The following TLE6 variants were observed in gnomAD, a reference collection of about 807,000 sequenced individuals.
The protein encoded by TLE6 is TLE family member 6, subcortical maternal complex member, also known as transducin-like enhancer protein 6.
In TLE6, 72 loss-of-function variants were observed where a neutral mutation model predicts 77.1. The ratio of observed to expected loss-of-function variants is 0.93; its 90% CI spans 0.77 to 1.14. The LOEUF (loss-of-function observed/expected upper bound fraction) is 1.14, where lower values mean the gene tolerates loss of function less well. Among genes scored for constraint, TLE6 ranks in the 50% most tolerant of loss-of-function variants. The pLI is 0.00. For missense variants in TLE6, 843 were observed against 747.6 expected, an observed-to-expected ratio of 1.13 and a Z score of -1.49; for synonymous variants, 366 against 287.3, an observed-to-expected ratio of 1.27 and a Z score of -2.77.
chr19:2,980,091 C>G lies in TLE6; in HGVS notation c.52-9C>G. ...TAAGTTTTATGTAACCTTGCTTTGA[C>G]CTTTCCAGCCTTGTCCTGGGATCTC... On this transcript the variant is annotated splice_polypyrimidine_tract_variant and intron_variant, in intron 2 of 16. Transcript: ENST00000246112. 1.3e-6 allele frequency: 2 copies of G among 1,548,894 alleles called. No homozygotes were observed. Among genetic ancestry groups the G allele is most frequent in the East Asian group, 2.5e-5 (1 of 40,750 alleles).
chr19:2,980,907 T>C (rs1030896223), intron 3 of TLE6, among the ~76,000 whole-genome samples: 1 of 151,502 alleles, frequency 6.6e-6, no homozygotes. Context: ...AAAATCTAGC[T>C]GAGTGTGGTG....
intron 13 of TLE6, among the ~76,000 whole-genome samples, chr19:2,990,297 T>G (rs2089015519): frequency 6.6e-6 from 1 of 151,722 alleles, no homozygotes; most frequent in South Asian, 2.1e-4. Context: ...ATATAGTCTA[T>G]TTAAAAATAT....
intron 3 of TLE6, 131 bp downstream of exon 3, chr19:2,980,313 C>A: frequency 1.6e-6 from 1 of 628,076 alleles, no homozygotes; most frequent in Non-Finnish European, 2.7e-6. Context: ...GGAAGCCATG[C>A]AGATACCCAG....
rs1443173654 is a variant in TLE6, at chr19:2,991,845, A to G, written c.1247A>G (p.Asp416Gly). The G allele has an allele frequency of 2.5e-6, 4 of 1,613,522 alleles. No individual in the cohort carries two copies. Among genetic ancestry groups the G allele is most frequent in the Non-Finnish European group, 3.4e-6 (4 of 1,179,800 alleles). The change falls in exon 14 of 17, where the codon GAC becomes GGC. Residue 416 changes from aspartate (D) to glycine (G), a missense_variant and splice_region_variant. Coordinates refer to ENST00000246112, the MANE Select transcript of TLE6 (RefSeq NM_001143986.2). ...WDLRDQSVVR[D>G]LKGYPDGVKS... ...CTCCCGATGTCCCTTCTGGCCAGGG[A>G]CCTCAAGGGTTATCCTGATGGAGTC...
Position 2,978,225 on chromosome 19 carries a change from G to A in TLE6, c.-9G>A, listed in dbSNP as rs1429997187. On this transcript the variant is annotated 5_prime_UTR_variant, in exon 2 of 17. Coordinates refer to ENST00000246112, the MANE Select transcript of TLE6 (RefSeq NM_001143986.2). ...TCTGGCTAAAGTCTTGGAGGCTACT[G>A]CCTTGAAGATGACCTCTAGGGACCA... 22 of 1,551,420 alleles carry A rather than the reference G, an allele frequency of 1.4e-5. No homozygotes were observed. The highest frequency in any genetic ancestry group is 1.7e-5 in the Non-Finnish European group (20 of 1,146,938).
rs1426351404 is a variant in TLE6, at chr19:2,994,014, C to T, written c.1538-5C>T. Reference sequence around the variant, plus strand: ...TAAGTCTCGCTGATGCTCCATTTCTCCCAGGCCAGTGGTGGGCAAGCGTTG... The same window carrying T: ...TAAGTCTCGCTGATGCTCCATTTCTTCCAGGCCAGTGGTGGGCAAGCGTTG... On this transcript the variant is annotated splice_polypyrimidine_tract_variant and splice_region_variant and intron_variant, in intron 15 of 16. Transcript: ENST00000246112. The T allele has an allele frequency of 6.2e-7, 1 of 1,602,552 alleles. No individual in the cohort carries two copies. The highest frequency in any genetic ancestry group is 1.3e-5 in the African/African-American group (1 of 74,732).
intron 13 of TLE6, among the ~76,000 whole-genome samples, chr19:2,991,034 A>G (rs2089041459): frequency 1.6e-5 from 2 of 124,968 alleles, no homozygotes; most frequent in South Asian, 4.3e-4. Context: ...ACATACATAC[A>G]TACATACATA....
At chr19:2,978,386 T>G in intron 2 of TLE6, 102 bp downstream of exon 2, 1 of 1,202,144 alleles carries the variant, frequency 8.3e-7, no homozygotes, top group Non-Finnish European at 1.2e-6. Context: ...CGCCCAGGCC[T>G]CGCAGCTGAA....
rs202127392 is a variant in TLE6, at chr19:2,987,320, C to G, written c.542-36C>G. ...TGTGCAGTGAACCCTGCTGTTCTCT[C>G]TGTCCCCCTCCTCCTCTCCGTTGTC... On this transcript the variant is annotated intron_variant, in intron 7 of 16. Coordinates refer to ENST00000246112, the MANE Select transcript of TLE6 (RefSeq NM_001143986.2). The G allele has an allele frequency of 4.2e-3, 6,833 of 1,614,156 alleles. 46 individuals carry two copies. The highest frequency in any genetic ancestry group is 0.02 in the Middle Eastern group (123 of 6,054).
chr19:2,978,775 T>TC (rs909327106), intron 2 of TLE6, among the ~76,000 whole-genome samples: 4 of 152,100 alleles, frequency 2.6e-5, no homozygotes, highest in African/African-American at 9.7e-5. Context: ...TAGCATCTAA[T>TC]CACATATGTG....
At chr19:2,983,754 G>A (rs2145028204) in intron 5 of TLE6, among the ~76,000 whole-genome samples, 1 of 152,244 alleles carries the variant, frequency 6.6e-6, no homozygotes, top group South Asian at 2.1e-4. Context: ...CTGCGGAGAG[G>A]ACAGAGAAGA....
At chr19:2,985,172 C>A (rs1056178066) in intron 5 of TLE6, among the ~76,000 whole-genome samples, 6 of 151,770 alleles carry the variant, frequency 4.0e-5, no homozygotes, top group African/African-American at 1.5e-4. Context: ...ATTGCTTTAA[C>A]CCAGGAGGCA....
At position 2,989,478 on chromosome 19, in the gene TLE6, C is replaced by A. The variant is rs922928485; in HGVS notation, c.994-57C>A. On this transcript the variant is annotated intron_variant, in intron 12 of 16. Coordinates refer to ENST00000246112, the MANE Select transcript of TLE6 (RefSeq NM_001143986.2). The stretch of plus-strand genomic sequence containing the variant: ...AGGAGTTCGCTCTCATGAGGCAAAG[C>A]AGTCCAGGCAGAATGCCACGGGGGG... 29 of 1,579,628 alleles carry A rather than the reference C, an allele frequency of 1.8e-5. No individual in the cohort carries two copies. In the South Asian group the frequency reaches 3.1e-4, roughly 17 times the overall value.
Position 2,994,067 on chromosome 19 carries a change from G to A in TLE6, c.1586G>A (p.Ser529Asn). The change falls in exon 16 of 17, where the codon AGC becomes AAC. Residue 529 changes from serine (S) to asparagine (N), a missense_variant. Coordinates refer to ENST00000246112, the MANE Select transcript of TLE6 (RefSeq NM_001143986.2). ...ATGGACGACTTCCTTGGCGTCTACA[G>A]CATGCCGGCGGGGACAAAAGTGTTC... ...VGMDDFLGVY[S>N]MPAGTKVFEV... 1 of 1,607,810 alleles carries A rather than the reference G, an allele frequency of 6.2e-7. No homozygotes were observed. The highest frequency in any genetic ancestry group is 8.5e-7 in the Non-Finnish European group (1 of 1,177,760).
Position 2,991,954 on chromosome 19 carries a change from G to A in TLE6, c.1356G>A (p.Met452Ile). ...GGTGCTGGGACCAGAGGACCATCAT[G>A]AAACCTCTGGAGTACCAATTCAAGT... ...CLRCWDQRTIMKPLEYQFKSQ... is the reference protein window; with the variant it reads ...CLRCWDQRTIIKPLEYQFKSQ... Residue 452 changes from methionine (M) to isoleucine (I), a missense_variant, in exon 14 of 17, where the codon ATG (methionine) becomes ATA (isoleucine). By Grantham distance (10) the Met-to-Ile change is conservative (BLOSUM62 1). Coordinates refer to ENST00000246112, the MANE Select transcript of TLE6 (RefSeq NM_001143986.2). The A allele has an allele frequency of 6.2e-7, 1 of 1,613,964 alleles. No individual in the cohort carries two copies. Among genetic ancestry groups the A allele is most frequent in the Non-Finnish European group, 8.5e-7 (1 of 1,179,990 alleles).
chr19:2,981,597 AG>A lies in TLE6; in HGVS notation c.180+16del. 3.9e-6 allele frequency: 6 copies of A among 1,551,450 alleles called. No individual in the cohort carries two copies. Among genetic ancestry groups the A allele is most frequent in the Non-Finnish European group, 5.2e-6 (6 of 1,146,908 alleles). On this transcript the variant is annotated intron_variant, in intron 4 of 16. Transcript: ENST00000246112. ...ATTTACTACTCGGTGAGCCAGACCCAGGCAGCCCCAACCAAGGAGGGCCCCA... is the reference window on the plus strand; with the variant it reads ...ATTTACTACTCGGTGAGCCAGACCCAGCAGCCCCAACCAAGGAGGGCCCCA...
In TLE6 at chr19:2,994,997, C is replaced by T; in HGVS notation, c.1712C>T (p.Thr571Ile). Residue 571 changes from threonine (T) to isoleucine (I), a missense_variant, in exon 17 of 17, where the codon ACC (threonine) becomes ATC (isoleucine). Transcript: ENST00000246112. ...SGEHASVYQITY is the reference protein window; with the variant it reads ...SGEHASVYQIIY The stretch of plus-strand genomic sequence containing the variant: ...GAGCACGCCTCCGTGTACCAGATCA[C>T]CTACTGAGGGGCCTCGCTGCTGTCA... 3 of 1,604,670 alleles carry T rather than the reference C, an allele frequency of 1.9e-6. No individual in the cohort carries two copies. The highest frequency in any genetic ancestry group is 2.6e-6 in the Non-Finnish European group (3 of 1,176,086).
In TLE6 at chr19:2,991,945, G is replaced by A. The variant is rs1340571012; in HGVS notation, c.1347G>A (p.Arg449=). 6.8e-6 allele frequency: 11 copies of A among 1,613,826 alleles called. No individual in the cohort carries two copies. The highest frequency in any genetic ancestry group is 1.3e-5 in the African/African-American group (1 of 74,876). The change falls in exon 14 of 17, where the codon AGG becomes AGA. Residue 449 remains arginine (R), a synonymous_variant. Coordinates refer to ENST00000246112, the MANE Select transcript of TLE6 (RefSeq NM_001143986.2). ...CCTGTCTGCGGTGCTGGGACCAGAGGACCATCATGAAACCTCTGGAGTACC... is the reference window on the plus strand; with the variant it reads ...CCTGTCTGCGGTGCTGGGACCAGAGAACCATCATGAAACCTCTGGAGTACC... ...PDACLRCWDQ[R]TIMKPLEYQF...
At chr19:2,978,482 G>A (rs1351134564) in intron 2 of TLE6, among the ~76,000 whole-genome samples, 198 bp downstream of exon 2, 2 of 152,140 alleles carry the variant, frequency 1.3e-5, no homozygotes, top group Non-Finnish European at 2.9e-5. Flanking sequence ...GGACACTGTG[G>A]CTCACAACTG....
Sources: allele counts gnomAD v4.1 joint callset (sites outside exome capture counted in the v4.1 genomes callset), GRCh38; gene constraint gnomAD v4.1.1; transcripts MANE v1.5; gene names NCBI Gene and HGNC (gene_info 2026-07-23, HGNC 2026-07-21).